DAB1: variants seen among roughly 807,000 people sequenced by gnomAD.
The protein encoded by DAB1 is disabled homolog 1.
DAB1 carries 15 observed loss-of-function variants against 64.6 expected under a neutral mutation model. The ratio of observed to expected loss-of-function variants is 0.23; its 90% confidence interval spans 0.16 to 0.36. DAB1 has a LOEUF of 0.36. Among genes scored for constraint, DAB1 ranks in the 10% least tolerant of loss-of-function variants. The pLI is 1.00. For missense variants in DAB1, 596 were observed against 706.7 expected, an observed-to-expected ratio of 0.84 and a Z score of 1.78; for synonymous variants, 235 against 251.9, an observed-to-expected ratio of 0.93 and a Z score of 0.64.
At chr1:57,185,300 CAG>C (rs1397908558) in intron 2 of DAB1, among the ~76,000 whole-genome samples, 1 of 152,140 alleles carries the variant, frequency 6.6e-6, no homozygotes, top group African/African-American at 2.4e-5. Flanking sequence ...CACCAGGTAA[CAG>C]AAAGTCTGGA....
intron 12 of DAB1, among the ~76,000 whole-genome samples, chr1:57,011,985 T>C (rs765693871): frequency 1.3e-5 from 2 of 152,204 alleles, no homozygotes; most frequent in Non-Finnish European, 2.9e-5. Flanking sequence ...CTTGATTCTA[T>C]AAGGACAAAG....
intron 5 of DAB1, among the ~76,000 whole-genome samples, chr1:58,143,021 A>T (rs530512397): frequency 6.6e-6 from 1 of 152,086 alleles, no homozygotes; most frequent in Non-Finnish European, 1.5e-5. Context: ...CTGGAGTGCC[A>T]CTCTTCAACC....
intron 5 of DAB1, among the ~76,000 whole-genome samples, chr1:58,125,396 ATAC>A (rs1182711675): frequency 6.6e-6 from 1 of 151,932 alleles, no homozygotes; most frequent in African/African-American, 2.4e-5. Flanking sequence ...CATAGTGCTA[ATAC>A]TACTACTAAT....
At position 57,129,321 on chromosome 1, in the gene DAB1, A is replaced by T. The variant is rs138561782; in HGVS notation, c.306+7222T>A. Among the ~76,000 whole-genome samples the T allele has an allele frequency of 7.0e-3, 1,072 of 152,254 alleles. 6 individuals carry two copies. The highest frequency in any genetic ancestry group is 0.011 in the Non-Finnish European group (758 of 68,022). ...AAAAATATGTTGATTTGGGCTACGA[A>T]TTGATTTTTTTTATTGTGATAAATT... On this transcript the variant is annotated intron_variant, in intron 4 of 14. Transcript: ENST00000371236.
chr1:58,416,454 G>A (rs899655686), intron 3 of DAB1, among the ~76,000 whole-genome samples: 4 of 152,186 alleles, frequency 2.6e-5, no homozygotes, highest in African/African-American at 9.7e-5. Flanking sequence ...GATATGGGAT[G>A]TGATAAAGGT....
At chr1:57,116,228 C>T (rs1216182653) in intron 4 of DAB1, among the ~76,000 whole-genome samples, 1 of 151,620 alleles carries the variant, frequency 6.6e-6, no homozygotes, top group African/African-American at 2.4e-5. Context: ...CTTTGGGAGG[C>T]CGAGGCAGGT....
chr1:57,343,847 C>G (rs369451360), intron 1 of DAB1, among the ~76,000 whole-genome samples: 1 of 152,234 alleles, frequency 6.6e-6, no homozygotes, highest in East Asian at 1.9e-4. Flanking sequence ...GCCCAGAAAG[C>G]GGCTCCCACA....
intron 5 of DAB1, among the ~76,000 whole-genome samples, chr1:58,002,314 C>G (rs1362202791): frequency 2.0e-5 from 3 of 152,166 alleles, no homozygotes; most frequent in Non-Finnish European, 4.4e-5. Flanking sequence ...GTTATCATAT[C>G]AGAAGATTTT....
chr1:58,423,917 G>C (rs12047207), intron 3 of DAB1, among the ~76,000 whole-genome samples: 9,103 of 152,204 alleles, frequency 0.06, 388 homozygotes, highest in East Asian at 0.13. Flanking sequence ...TTCCTGCAAG[G>C]CTCCTAATAA....
chr1:57,452,226 G>A (rs1320568937), intron 7 of DAB1, among the ~76,000 whole-genome samples: 1 of 136,408 alleles, frequency 7.3e-6, no homozygotes, highest in South Asian at 2.3e-4. Context: ...GGAGTGCAGT[G>A]GTGTGATAAT....
intron 1 of DAB1, among the ~76,000 whole-genome samples, chr1:57,382,745 T>C (rs1051792439): frequency 6.6e-6 from 1 of 152,180 alleles, no homozygotes; most frequent in Middle Eastern, 3.2e-3. Context: ...TTCAGATGGT[T>C]CGATTGGTCC....
intron 3 of DAB1, chr1:58,468,435 C>T (rs1645318887): frequency 6.6e-6 from 1 of 152,160 alleles, no homozygotes; most frequent in South Asian, 2.1e-4. Context: ...TATAGTATTC[C>T]ATTGCATGAT....
rs1466857443 is a variant in DAB1, at chr1:58,481,832, TG to T, written n.257+24227del. Among the ~76,000 whole-genome samples, 12 of 152,214 alleles carry T rather than the reference TG, an allele frequency of 7.9e-5. No individual in the cohort carries two copies. The East Asian group carries it at 2.1e-3, about 27-fold the overall frequency. On this transcript the variant is annotated intron_variant and non_coding_transcript_variant, in intron 3 of 20. Coordinates refer to the DAB1 transcript ENST00000485760. Reference sequence around the variant, plus strand: ...GCATATGCTCTCTTGACTGCCGCCATGTAAGACATGACTTTTCTCCTCATTC... The same window carrying T: ...GCATATGCTCTCTTGACTGCCGCCATTAAGACATGACTTTTCTCCTCATTC...
At chr1:58,186,147 T>C (rs1557686821) in intron 4 of DAB1, among the ~76,000 whole-genome samples, 1 of 152,196 alleles carries the variant, frequency 6.6e-6, no homozygotes, top group Non-Finnish European at 1.5e-5. Context: ...GGATCACTAG[T>C]AAGACTTCTG....
intron 1 of DAB1, among the ~76,000 whole-genome samples, chr1:57,343,525 G>A (rs368757413): frequency 8.5e-5 from 13 of 152,320 alleles, no homozygotes; most frequent in South Asian, 4.1e-4. Context: ...GGGAGGCTCC[G>A]CCGCACAAGA....
At chr1:57,190,137 C>G (rs1254213466) in intron 2 of DAB1, among the ~76,000 whole-genome samples, 1 of 152,206 alleles carries the variant, frequency 6.6e-6, no homozygotes, top group Admixed American at 6.5e-5. Context: ...ATTGCTGAAC[C>G]CCACACCCAG....
intron 1 of DAB1, among the ~76,000 whole-genome samples, chr1:57,332,607 T>C (rs138637100): frequency 4.3e-4 from 65 of 152,314 alleles, no homozygotes; most frequent in Non-Finnish European, 7.5e-4. Context: ...ATGACTCCAC[T>C]TTTATACAGA....
At chr1:57,940,279 G>A (rs1488384021) in intron 5 of DAB1, among the ~76,000 whole-genome samples, 1 of 152,212 alleles carries the variant, frequency 6.6e-6, no homozygotes, top group Non-Finnish European at 1.5e-5. Context: ...ATGTGTTGGA[G>A]TCACTGTTTC....
intron 14 of DAB1, among the ~76,000 whole-genome samples, chr1:57,000,627 C>T (rs1447563306): frequency 6.6e-6 from 1 of 152,148 alleles, no homozygotes; most frequent in Non-Finnish European, 1.5e-5. Context: ...TGTTTGTGTT[C>T]TACAAGTGCA....
Sources: allele counts gnomAD v4.1 joint callset (sites outside exome capture counted in the v4.1 genomes callset), GRCh38; gene constraint gnomAD v4.1.1; transcripts MANE v1.5; gene names NCBI Gene and HGNC (gene_info 2026-07-23, HGNC 2026-07-21).